The following KCNH7 variants were observed in gnomAD, a reference collection of about 807,000 sequenced individuals.
The protein encoded by KCNH7 is voltage-gated inwardly rectifying potassium channel KCNH7.
Under a neutral mutation model 120.8 loss-of-function variants are expected in KCNH7, and 49 were observed. The observed-to-expected ratio is 0.41, with a 90% CI of 0.32 to 0.51. The LOEUF (loss-of-function observed/expected upper bound fraction) is 0.51, where lower values mean the gene tolerates loss of function less well. Ranked by LOEUF, KCNH7 falls within the 20% of genes least tolerant of loss-of-function variation. The pLI is 0.38. For missense variants in KCNH7, 1,097 were observed against 1,446.6 expected (o/e 0.76, Z 3.92); for synonymous variants, 547 against 516.1 (o/e 1.06, Z -0.81).
chr2:162,680,260 T>C (rs1685667397), intron 2 of KCNH7, among the ~76,000 whole-genome samples: 1 of 151,634 alleles, frequency 6.6e-6, no homozygotes, highest in South Asian at 2.1e-4. Context: ...TCTGAAAGTC[T>C]TGAAGAGGAA....
At chr2:162,384,564 G>T in intron 13 of KCNH7, 124 bp downstream of exon 13, 1 of 978,790 alleles carries the variant, frequency 1.0e-6, no homozygotes, top group Non-Finnish European at 1.5e-6. Flanking sequence ...AACGCTTCGC[G>T]AACATTTCAT....
intron 2 of KCNH7, among the ~76,000 whole-genome samples, chr2:162,792,317 C>A (rs754997793): frequency 6.6e-6 from 1 of 151,852 alleles, no homozygotes; most frequent in Non-Finnish European, 1.5e-5. Flanking sequence ...AGGGAGGAGT[C>A]CCTCCTCCTC....
At chr2:162,540,039 T>C (rs73022666) in intron 2 of KCNH7, among the ~76,000 whole-genome samples, 3,019 of 151,958 alleles carry the variant, frequency 0.02, 109 homozygotes, top group African/African-American at 0.069. Flanking sequence ...AATGCAACAT[T>C]GGGAGCAAGA....
intron 2 of KCNH7, among the ~76,000 whole-genome samples, chr2:162,667,170 C>T (rs566009517): frequency 6.6e-6 from 1 of 152,108 alleles, no homozygotes; most frequent in South Asian, 2.1e-4. Context: ...TAGGTGTACA[C>T]CACAATGCCC....
chr2:162,578,321 T>C (rs1026017326), intron 2 of KCNH7, among the ~76,000 whole-genome samples: 2 of 152,104 alleles, frequency 1.3e-5, no homozygotes, highest in Admixed American at 6.6e-5. Flanking sequence ...TAAATATTTA[T>C]ATTTATTTTG....
At chr2:162,752,928 GAA>G (rs1559116190) in intron 2 of KCNH7, among the ~76,000 whole-genome samples, 1 of 75,534 alleles carries the variant, frequency 1.3e-5, no homozygotes, top group African/African-American at 8.5e-5. Flanking sequence ...GAAAAGAAAA[GAA>G]AAGAAAAGAA....
chr2:162,492,179 A>T (rs928655949), intron 6 of KCNH7, among the ~76,000 whole-genome samples: 1 of 152,190 alleles, frequency 6.6e-6, no homozygotes, highest in African/African-American at 2.4e-5. Context: ...ATTAATGGAA[A>T]AAAGGATTTG....
At chr2:162,533,725 C>A (rs1399812085) in intron 3 of KCNH7, among the ~76,000 whole-genome samples, 7 of 151,606 alleles carry the variant, frequency 4.6e-5, no homozygotes, top group Admixed American at 4.6e-4. Context: ...AATATTCTAA[C>A]AGTAGAAGAC....
At chr2:162,728,384 G>T (rs1394161709) in intron 2 of KCNH7, among the ~76,000 whole-genome samples, 2 of 151,938 alleles carry the variant, frequency 1.3e-5, no homozygotes, top group Non-Finnish European at 2.9e-5. Context: ...ATATATTTTG[G>T]GTTCAAGTTT....
At chr2:162,442,808 A>T (rs1490866646) in intron 7 of KCNH7, among the ~76,000 whole-genome samples, 1 of 152,162 alleles carries the variant, frequency 6.6e-6, no homozygotes, top group Non-Finnish European at 1.5e-5. Context: ...TTGAGCTGAG[A>T]TCACACCACT....
intron 2 of KCNH7, among the ~76,000 whole-genome samples, chr2:162,631,694 A>G (rs948397631): frequency 1.3e-5 from 2 of 152,088 alleles, no homozygotes; most frequent in African/African-American, 4.8e-5. Context: ...AAAAATTAAA[A>G]AGTAACTGTG....
At chr2:162,394,273 C>G in intron 12 of KCNH7, 116 bp downstream of exon 12, 1 of 682,968 alleles carries the variant, frequency 1.5e-6, no homozygotes, top group Non-Finnish European at 2.6e-6. Flanking sequence ...AAAGGATCTG[C>G]CCTCCTAAAG....
intron 2 of KCNH7, among the ~76,000 whole-genome samples, chr2:162,551,942 A>AGG: frequency 6.6e-6 from 1 of 152,300 alleles, no homozygotes; most frequent in East Asian, 1.9e-4. Context: ...TGGAAATGTA[A>AGG]CATTTTTCTG....
chr2:162,521,682 T>C (rs1304551436), intron 3 of KCNH7, among the ~76,000 whole-genome samples: 2 of 151,932 alleles, frequency 1.3e-5, no homozygotes, highest in South Asian at 2.1e-4. Context: ...CAAGAATACA[T>C]TGTGTAATGA....
At chr2:162,427,500 T>C (rs1332251149) in intron 8 of KCNH7, among the ~76,000 whole-genome samples, 1 of 151,986 alleles carries the variant, frequency 6.6e-6, no homozygotes, top group Non-Finnish European at 1.5e-5. Context: ...TTCATATATA[T>C]TTTGTGAACT....
intron 6 of KCNH7, among the ~76,000 whole-genome samples, chr2:162,457,816 G>A (rs1689018443): frequency 6.6e-6 from 1 of 152,048 alleles, no homozygotes; most frequent in Non-Finnish European, 1.5e-5. Flanking sequence ...AAATGAATCA[G>A]ATAGATTATA....
At position 162,535,777 on chromosome 2, in the gene KCNH7, G is replaced by T. The variant is rs1692082268; in HGVS notation, c.463+1148C>A. ...AATAATAAGGGATCATGGTATATTA[G>T]TTATTTATTGTATATATAAACTGTA... On this transcript the variant is annotated intron_variant, in intron 3 of 15. Transcript: ENST00000332142. 4.6e-5 allele frequency among the ~76,000 whole-genome samples: 7 copies of T among 151,796 alleles called. No individual in the cohort carries two copies. The South Asian group carries it at 1.5e-3, about 31-fold the overall frequency.
chr2:162,630,003 C>T (rs12470526), intron 2 of KCNH7, among the ~76,000 whole-genome samples: 6,704 of 152,026 alleles, frequency 0.044, 278 homozygotes, highest in East Asian at 0.12. Context: ...TTTTCAGAGG[C>T]AGAAAATGTC....
chr2:162,585,418 T>C (rs1236878197), intron 2 of KCNH7, among the ~76,000 whole-genome samples: 2 of 152,118 alleles, frequency 1.3e-5, no homozygotes, highest in Non-Finnish European at 2.9e-5. Context: ...AATACTTGTG[T>C]CTGTTCAATA....
Sources: allele counts gnomAD v4.1 joint callset (sites outside exome capture counted in the v4.1 genomes callset), GRCh38; gene constraint gnomAD v4.1.1; transcripts MANE v1.5; gene names NCBI Gene and HGNC (gene_info 2026-07-23, HGNC 2026-07-21).